The following MBD5 variants were observed in gnomAD, a reference collection of about 807,000 sequenced individuals.
MBD5 encodes the protein methyl-CpG-binding domain protein 5.
In MBD5, 13 loss-of-function variants were observed where a neutral mutation model predicts 117.3. That is an observed-to-expected ratio of 0.11 (90% CI 0.07 to 0.18). MBD5 has a LOEUF of 0.18. MBD5 is among the 10% of genes least tolerant of loss of function. MBD5 has a pLI of 1.00. For synonymous variants in MBD5, 727 were observed against 766.4 expected, an observed-to-expected ratio of 0.95 and a Z score of 0.85; for missense variants, 1,879 against 2,093.8, an observed-to-expected ratio of 0.90 and a Z score of 2.00.
chr2:148,138,545 G>C lies in MBD5; in HGVS notation c.-924-40155G>C, dbSNP rs964156536. On this transcript the variant is annotated intron_variant, in intron 1 of 13. Transcript: ENST00000642680. Reference sequence around the variant, plus strand: ...TATAGAAGAATGTCACCTCGGGAAAGATAATGGAGAAATTGTTATTTATAG... The same window carrying C: ...TATAGAAGAATGTCACCTCGGGAAACATAATGGAGAAATTGTTATTTATAG... 2.0e-5 allele frequency among the ~76,000 whole-genome samples: 3 copies of C among 152,312 alleles called. No individual in the cohort carries two copies. The East Asian group carries it at 5.8e-4, about 29-fold the overall frequency.
chr2:148,238,730 C>T (rs1324026860), intron 3 of MBD5, among the ~76,000 whole-genome samples: 1 of 152,012 alleles, frequency 6.6e-6, no homozygotes, highest in East Asian at 1.9e-4. Flanking sequence ...TTGGCTGTGG[C>T]GTTGCCAGCA....
chr2:148,150,298 A>G (rs1697613974), intron 1 of MBD5, among the ~76,000 whole-genome samples: 2 of 149,480 alleles, frequency 1.3e-5, no homozygotes, highest in South Asian at 2.1e-4. Context: ...CCATTGATCT[A>G]TATCTCTGTT....
intron 4 of MBD5, among the ~76,000 whole-genome samples, chr2:148,364,694 A>G (rs1703644741): frequency 6.6e-6 from 1 of 152,186 alleles, no homozygotes; most frequent in Non-Finnish European, 1.5e-5. Flanking sequence ...TTGCAATCCT[A>G]GTCTCTGGTA....
At position 148,208,385 on chromosome 2, in the gene MBD5, C is replaced by A. The variant is rs189597223; in HGVS notation, c.-830-24860C>A. Among the ~76,000 whole-genome samples the A allele has an allele frequency of 3.6e-3, 544 of 152,230 alleles. 2 individuals are homozygous for A. The highest frequency in any genetic ancestry group is 0.012 in the African/African-American group (504 of 41,536). The stretch of plus-strand genomic sequence containing the variant: ...TCTGGTGTCTCAGCCTCCCAAGTAG[C>A]TGGGACTACAAGCATGCGCTCCAAT... On this transcript the variant is annotated intron_variant, in intron 2 of 13. Transcript: ENST00000642680.
At chr2:148,356,150 T>A (rs999778515) in intron 4 of MBD5, among the ~76,000 whole-genome samples, 1 of 152,188 alleles carries the variant, frequency 6.6e-6, no homozygotes, top group African/African-American at 2.4e-5. Context: ...GCAACCATAA[T>A]TAACCATGTA....
At chr2:148,431,318 C>G (rs1045741237) in intron 4 of MBD5, among the ~76,000 whole-genome samples, 1 of 151,958 alleles carries the variant, frequency 6.6e-6, no homozygotes, top group Non-Finnish European at 1.5e-5. Flanking sequence ...TGTCTCATAC[C>G]ACTTTGGAAA....
chr2:148,292,113 T>C (rs1701513719), intron 3 of MBD5, among the ~76,000 whole-genome samples: 1 of 152,198 alleles, frequency 6.6e-6, no homozygotes, highest in Non-Finnish European at 1.5e-5. Context: ...ATGAAATTAC[T>C]ACAAGAAAAC....
intron 3 of MBD5, among the ~76,000 whole-genome samples, chr2:148,327,247 T>C (rs1702479427): frequency 6.6e-6 from 1 of 152,150 alleles, no homozygotes; most frequent in Admixed American, 6.5e-5. Context: ...TAGCCTGACC[T>C]TTCTCTCTTG....
At chr2:148,023,548 T>C (rs1693823488) in intron 1 of MBD5, among the ~76,000 whole-genome samples, 1 of 152,202 alleles carries the variant, frequency 6.6e-6, no homozygotes, top group South Asian at 2.1e-4. Context: ...GTTCAAGTTT[T>C]TCTCCCAACA....
At chr2:148,346,634 A>C (rs1703130039) in intron 4 of MBD5, 1 of 151,880 alleles carries the variant, frequency 6.6e-6, no homozygotes, top group African/African-American at 2.4e-5. Context: ...TGAATGTCCC[A>C]TTCATGAGCC....
intron 2 of MBD5, among the ~76,000 whole-genome samples, chr2:148,216,261 G>A (rs1326686327): frequency 6.6e-6 from 1 of 151,942 alleles, no homozygotes; most frequent in African/African-American, 2.4e-5. Flanking sequence ...ACAGATGCAT[G>A]CCTCAACTGG....
intron 4 of MBD5, among the ~76,000 whole-genome samples, chr2:148,414,768 T>C (rs1705369723): frequency 6.6e-6 from 1 of 152,154 alleles, no homozygotes; most frequent in Non-Finnish European, 1.5e-5. Context: ...TTTAGTATGA[T>C]ACTAGAGTAG....
rs1008033687 is a variant in MBD5, at chr2:148,288,357, G to A, written c.-679-53857G>A. Among the ~76,000 whole-genome samples the A allele has an allele frequency of 2.9e-4, 29 of 100,388 alleles. 2 individuals are homozygous for A. Among genetic ancestry groups the A allele is most frequent in the Non-Finnish European group, 1.5e-4 (7 of 47,038 alleles). 65.9% of individuals were successfully genotyped at this position (100,388 alleles called of 152,430 possible). ...GGAGCTTGCAGTGAGCTGAGATCCC[G>A]CCACTGCACTCCAGCCTGGGCGACA... On this transcript the variant is annotated intron_variant, in intron 3 of 13. Transcript: ENST00000642680.
intron 3 of MBD5, among the ~76,000 whole-genome samples, chr2:148,296,863 A>AGTTTTTTTT (rs1559010681): frequency 2.7e-5 from 1 of 37,714 alleles, no homozygotes; most frequent in East Asian, 2.9e-3. Flanking sequence ...TTAGTTCTTC[A>AGTTTTTTTT]ATTTTTTTTT....
At chr2:148,335,332 G>A (rs1195682545) in intron 3 of MBD5, among the ~76,000 whole-genome samples, 3 of 151,834 alleles carry the variant, frequency 2.0e-5, no homozygotes, top group African/African-American at 4.8e-5. Flanking sequence ...AGTGAGCCGA[G>A]ATCCCACCGC....
chr2:148,160,330 G>T (rs1009558608), intron 1 of MBD5, among the ~76,000 whole-genome samples: 3 of 152,114 alleles, frequency 2.0e-5, no homozygotes, highest in Non-Finnish European at 4.4e-5. Context: ...CCCAGGAGGT[G>T]GAGGTTGCAG....
chr2:148,422,389 C>A (rs950811189), intron 4 of MBD5, among the ~76,000 whole-genome samples: 2 of 152,132 alleles, frequency 1.3e-5, no homozygotes, highest in Non-Finnish European at 2.9e-5. Context: ...ATAGCATCAA[C>A]ATCAACAAAA....
intron 4 of MBD5, among the ~76,000 whole-genome samples, chr2:148,420,291 TC>T (rs1406686422): frequency 6.6e-6 from 1 of 152,172 alleles, no homozygotes; most frequent in Non-Finnish European, 1.5e-5. Flanking sequence ...TTCATGTAAA[TC>T]TTTATTATGG....
At chr2:148,474,840 G>T (rs1680908777) in intron 8 of MBD5, among the ~76,000 whole-genome samples, 1 of 152,054 alleles carries the variant, frequency 6.6e-6, no homozygotes, top group Non-Finnish European at 1.5e-5. Flanking sequence ...GACCACAAAA[G>T]AACACTTTGG....
Sources: allele counts gnomAD v4.1 joint callset (sites outside exome capture counted in the v4.1 genomes callset), GRCh38; gene constraint gnomAD v4.1.1; transcripts MANE v1.5; gene names NCBI Gene and HGNC (gene_info 2026-07-23, HGNC 2026-07-21).